IFT81: variants seen among roughly 807,000 people sequenced by gnomAD.
IFT81 encodes intraflagellar transport 81.
IFT81 carries 72 observed loss-of-function variants against 102.6 expected under a neutral mutation model. The observed-to-expected ratio is 0.70, with a 90% CI of 0.58 to 0.85. The LOEUF is 0.85. Ranked by LOEUF, IFT81 falls within the 40% of genes least tolerant of loss-of-function variation. IFT81 has a pLI of 0.00. For synonymous variants in IFT81, 237 were observed against 242.7 expected, an observed-to-expected ratio of 0.98 and a Z score of 0.22; for missense variants, 723 against 787.3, an observed-to-expected ratio of 0.92 and a Z score of 0.98.
intron 18 of IFT81, among the ~76,000 whole-genome samples, chr12:110,209,768 C>CA (rs774458929): frequency 0.069 from 4,097 of 59,426 alleles, 173 homozygotes; most frequent in African/African-American, 0.17. Flanking sequence ...TACTCCATCT[C>CA]AAAAAAAAAA....
At chr12:110,209,344 A>G in intron 18 of IFT81, 128 bp downstream of exon 18, 1 of 425,938 alleles carries the variant, frequency 2.3e-6, no homozygotes, top group Non-Finnish European at 4.3e-6. Flanking sequence ...TTGTTCATTC[A>G]TTTTAAAGAT....
chr12:110,163,833 C>G (rs149957347), intron 11 of IFT81, among the ~76,000 whole-genome samples: 24 of 149,800 alleles, frequency 1.6e-4, no homozygotes, highest in Non-Finnish European at 3.3e-4. Context: ...TCAGGCTGGT[C>G]TCAAACTCCT....
Position 110,162,925 on chromosome 12 carries a change from A to G in IFT81, c.1048A>G (p.Ile350Val), listed in dbSNP as rs1363531041. Residue 350 changes from isoleucine (I) to valine (V), a missense_variant, in exon 11 of 19, where the codon ATC becomes GTC. Physicochemically the swap from Ile to Val is conservative, Grantham distance 29. Transcript: ENST00000242591. ...KLSLYRQQAS[I>V]ISRKKEAKAE... is the part of the protein sequence containing the mutation. ...ATATTTAATGCTCAATCAGGCATCTATCATTTCCCGTAAAAAAGAAGCCAA... is the reference window on the plus strand; with the variant it reads ...ATATTTAATGCTCAATCAGGCATCTGTCATTTCCCGTAAAAAAGAAGCCAA... 6.8e-6 allele frequency: 11 copies of G among 1,611,826 alleles called. No individual in the cohort carries two copies. Among genetic ancestry groups the G allele is most frequent in the Non-Finnish European group, 9.3e-6 (11 of 1,178,906 alleles).
intron 18 of IFT81, among the ~76,000 whole-genome samples, chr12:110,212,920 C>T (rs1411828789): frequency 6.6e-6 from 1 of 152,130 alleles, no homozygotes; most frequent in Non-Finnish European, 1.5e-5. Flanking sequence ...CATCATCCAA[C>T]TCTAATCATT....
At chr12:110,167,191 T>C (rs1386935546) in intron 11 of IFT81, among the ~76,000 whole-genome samples, 1 of 152,196 alleles carries the variant, frequency 6.6e-6, no homozygotes, top group Non-Finnish European at 1.5e-5. Context: ...TTTCATTGGT[T>C]TTCCTTATTA....
At chr12:110,199,098 C>T (rs1016571543) in intron 14 of IFT81, among the ~76,000 whole-genome samples, 3 of 152,118 alleles carry the variant, frequency 2.0e-5, no homozygotes, top group Non-Finnish European at 2.9e-5. Flanking sequence ...CATGAGCCAC[C>T]GCACCTGGCC....
chr12:110,201,168 C>G (rs755772975), intron 14 of IFT81, among the ~76,000 whole-genome samples: 1 of 151,862 alleles, frequency 6.6e-6, no homozygotes, highest in Non-Finnish European at 1.5e-5. Flanking sequence ...TTTGGGAGGC[C>G]AAGGCGAGCA....
intron 9 of IFT81, among the ~76,000 whole-genome samples, chr12:110,144,615 A>G (rs1234255279): frequency 1.3e-5 from 2 of 151,880 alleles, no homozygotes; most frequent in Admixed American, 1.3e-4. Flanking sequence ...GGTTCAAGCC[A>G]TTCTCCTGCC....
Position 110,216,835 on chromosome 12 carries a change from T to A in IFT81, c.1849-1209T>A, listed in dbSNP as rs149390841. ...CCAAGCATACCTGACATATAACAGG[T>A]GCTTCATAATTATATCTTGAATAAA... is the stretch of plus-strand genomic sequence containing the variant. On this transcript the variant is annotated intron_variant, in intron 18 of 18. Transcript: ENST00000242591. The A allele has an allele frequency of 1.3e-5, 4 of 306,246 alleles. No homozygotes were observed. The East Asian group carries it at 4.2e-4, about 32-fold the overall frequency. The allele number at this position is 306,246 out of a possible 1,614,324, so 19.0% of individuals were successfully genotyped here. A position where few individuals can be genotyped will look rare whatever the true frequency, so the allele number is the denominator to read the frequency against.
Position 110,205,599 on chromosome 12 carries a change from TAGA to T in IFT81, c.1724_1726del (p.Glu575del). On this transcript the variant is annotated inframe_deletion, in exon 17 of 19. Transcript: ENST00000242591. Reference sequence around the variant, plus strand: ...AACTGAAGTCTTTCTATTTAGAACCTAGAAGTTCAACTTCGTCGTGCTACTGAT... The same window carrying T: ...AACTGAAGTCTTTCTATTTAGAACCTAGTTCAACTTCGTCGTGCTACTGAT... 1 of 1,599,702 alleles carries T rather than the reference TAGA, an allele frequency of 6.3e-7. No individual in the cohort carries two copies. The highest frequency in any genetic ancestry group is 1.2e-5 in the South Asian group (1 of 86,646).
intron 12 of IFT81, among the ~76,000 whole-genome samples, chr12:110,187,013 T>C (rs538636768): frequency 3.3e-5 from 5 of 152,128 alleles, no homozygotes; most frequent in Non-Finnish European, 7.4e-5. Flanking sequence ...TTTTTTCTAC[T>C]GTGCTATTTT....
At chr12:110,208,710 GAAAT>G (rs901783706) in intron 17 of IFT81, among the ~76,000 whole-genome samples, 6 of 152,120 alleles carry the variant, frequency 3.9e-5, no homozygotes, top group African/African-American at 7.2e-5. Flanking sequence ...AAGCATTGAT[GAAAT>G]AAATAGTCTG....
In IFT81 at chr12:110,141,034, T is replaced by C. The variant is rs547977632; in HGVS notation, c.782-2348T>C. Among the ~76,000 whole-genome samples the C allele has an allele frequency of 2.3e-4, 35 of 150,910 alleles. No individual in the cohort carries two copies. The South Asian group carries it at 3.4e-3, about 14-fold the overall frequency. The stretch of plus-strand genomic sequence containing the variant: ...GAGCCACCACGCCTGGCCTATTTTT[T>C]ATTTTCTGAGACGGAGTTTTGCTCT... On this transcript the variant is annotated intron_variant, in intron 8 of 18. Coordinates refer to ENST00000242591, the MANE Select transcript of IFT81 (RefSeq NM_014055.4).
intron 11 of IFT81, among the ~76,000 whole-genome samples, chr12:110,177,818 G>T (rs964933959): frequency 7.2e-5 from 11 of 152,226 alleles, no homozygotes; most frequent in African/African-American, 2.4e-4. Context: ...GGAAAAGCCG[G>T]GCGCAGTGGC....
At chr12:110,175,538 A>C (rs1490868529) in intron 11 of IFT81, among the ~76,000 whole-genome samples, 4 of 152,232 alleles carry the variant, frequency 2.6e-5, no homozygotes, top group African/African-American at 9.6e-5. Context: ...TATTTTACAA[A>C]AGTATCTGAT....
At chr12:110,170,196 A>T (rs1020682094) in intron 11 of IFT81, among the ~76,000 whole-genome samples, 1 of 150,754 alleles carries the variant, frequency 6.6e-6, no homozygotes, top group African/African-American at 2.4e-5. Flanking sequence ...CTCATGATCC[A>T]CCCGCCTTAG....
intron 17 of IFT81, 32 bp downstream of exon 17, chr12:110,205,712 C>G: frequency 1.5e-6 from 2 of 1,359,776 alleles, no homozygotes; most frequent in South Asian, 2.7e-5. Flanking sequence ...TATTGAGATA[C>G]TTAATATTTT....
In IFT81 at chr12:110,190,968, G is replaced by A; in HGVS notation, c.1387G>A (p.Glu463Lys). The A allele has an allele frequency of 6.2e-7, 1 of 1,607,872 alleles. No homozygotes were observed. The part of the protein sequence containing the change: ...KGISGYSYTQ[E>K]ELERVSALKS... Reference sequence around the variant, plus strand: ...TATATCTGGATATAGTTACACCCAAGAAGAGCTAGAAAGAGTATCTGCACT... The same window carrying A: ...TATATCTGGATATAGTTACACCCAAAAAGAGCTAGAAAGAGTATCTGCACT... Residue 463 changes from glutamate (E) to lysine (K), a missense_variant, in exon 13 of 19, where the codon GAA (glutamate) becomes AAA (lysine). Transcript: ENST00000242591.
At chr12:110,161,093 A>G (rs1052575477) in intron 10 of IFT81, among the ~76,000 whole-genome samples, 1 of 148,902 alleles carries the variant, frequency 6.7e-6, no homozygotes, top group African/African-American at 2.5e-5. Flanking sequence ...TATACTATCA[A>G]TTCTTATAGA....
Sources: gnomAD v4.1 joint callset for allele counts (sites outside exome capture counted in the v4.1 genomes callset) on GRCh38, gnomAD v4.1.1 for gene constraint, MANE v1.5 for transcripts, NCBI Gene and HGNC (gene_info 2026-07-23, HGNC 2026-07-21) for gene names.